Variants in ARHGAP10 observed in about 807,000 individuals in gnomAD.
ARHGAP10 encodes the protein Rho GTPase activating protein 10, also known as rho GTPase-activating protein 10.
A neutral mutation model predicts 108.6 loss-of-function variants in ARHGAP10; 87 were observed. That is an observed-to-expected ratio of 0.80 (90% CI 0.67 to 0.96). ARHGAP10 has a LOEUF of 0.96. Among genes scored for constraint, ARHGAP10 ranks in the 40% least tolerant of loss-of-function variants. The pLI is 0.00. For synonymous variants in ARHGAP10, 347 were observed against 341.1 expected (o/e 1.02, Z -0.19); for missense variants, 939 against 954.5 (o/e 0.98, Z 0.21).
chr4:147,903,393 C>T (rs912691102), intron 10 of ARHGAP10, among the ~76,000 whole-genome samples: 1 of 152,164 alleles, frequency 6.6e-6, no homozygotes, highest in Non-Finnish European at 1.5e-5. Flanking sequence ...ACATGCATAG[C>T]ATTCCCCATT....
chr4:147,998,915 G>A (rs927807012), intron 18 of ARHGAP10, among the ~76,000 whole-genome samples: 5 of 152,040 alleles, frequency 3.3e-5, no homozygotes, highest in African/African-American at 1.2e-4. Flanking sequence ...ATTAACTATT[G>A]CCCTGGAAGA....
intron 13 of ARHGAP10, among the ~76,000 whole-genome samples, chr4:147,933,845 C>G (rs1279109113): frequency 6.6e-6 from 1 of 152,140 alleles, no homozygotes; most frequent in Admixed American, 6.5e-5. Flanking sequence ...GCTGGAGAGC[C>G]AGGCTCTTTG....
At position 148,046,949 on chromosome 4, in the gene ARHGAP10, C is replaced by G; in HGVS notation, c.1925C>G (p.Ser642Cys). The part of the protein sequence containing the change: ...DTPTSSLDSL[S>C]SPSPVTTAVP... ...CCTACCAGCAGTCTGGACTCACTTTCCTCCCCGTCTCCCGTGACTACAGCT... is the reference window on the plus strand; with the variant it reads ...CCTACCAGCAGTCTGGACTCACTTTGCTCCCCGTCTCCCGTGACTACAGCT... The change falls in exon 20 of 23, where the codon TCC becomes TGC. Residue 642 changes from serine to cysteine, a missense_variant. By Grantham distance (112) the Ser-to-Cys change is moderately radical. Transcript: ENST00000336498. 2 of 1,614,186 alleles carry G rather than the reference C, an allele frequency of 1.2e-6. No individual in the cohort carries two copies. Among genetic ancestry groups the G allele is most frequent in the South Asian group, 2.2e-5 (2 of 91,084 alleles).
chr4:147,773,419 C>G (rs1255762867), intron 1 of ARHGAP10, among the ~76,000 whole-genome samples: 9 of 152,164 alleles, frequency 5.9e-5, no homozygotes, highest in Admixed American at 5.9e-4. Context: ...GAATGTTACC[C>G]TCCATAGCAA....
chr4:147,926,248 G>A (rs1737456666), intron 13 of ARHGAP10, among the ~76,000 whole-genome samples: 1 of 152,164 alleles, frequency 6.6e-6, no homozygotes, highest in African/African-American at 2.4e-5. Flanking sequence ...AATAGAATTG[G>A]TGGGAATAGA....
intron 10 of ARHGAP10, among the ~76,000 whole-genome samples, chr4:147,895,685 C>CAA (rs111297537): frequency 7.8e-5 from 10 of 128,876 alleles, no homozygotes; most frequent in South Asian, 5.1e-4. Context: ...GACCCTGTCT[C>CAA]AAAAAAAAAA....
chr4:148,032,454 T>C (rs1728194615), intron 19 of ARHGAP10, among the ~76,000 whole-genome samples: 1 of 150,872 alleles, frequency 6.6e-6, no homozygotes, highest in Non-Finnish European at 1.5e-5. Flanking sequence ...GATCAGTTAT[T>C]AGCAAGTCTG....
intron 13 of ARHGAP10, among the ~76,000 whole-genome samples, chr4:147,919,221 CAAAT>C (rs1737124347): frequency 6.6e-6 from 1 of 152,240 alleles, no homozygotes; most frequent in East Asian, 1.9e-4. Flanking sequence ...TCTTAAATAA[CAAAT>C]AATAAATATA....
chr4:147,837,650 T>TTTTTTTTTG, intron 3 of ARHGAP10, among the ~76,000 whole-genome samples: 1 of 112,084 alleles, frequency 8.9e-6, no homozygotes, highest in Non-Finnish European at 1.8e-5. Context: ...ACTGTTTTTT[T>TTTTTTTTTG]TTTTTTTTTT....
intron 19 of ARHGAP10, among the ~76,000 whole-genome samples, chr4:148,042,558 C>G (rs187249295): frequency 2.0e-5 from 3 of 152,286 alleles, no homozygotes; most frequent in Non-Finnish European, 2.9e-5. Flanking sequence ...AATTTCTTCC[C>G]TTTCCTGTTG....
intron 1 of ARHGAP10, among the ~76,000 whole-genome samples, chr4:147,757,531 C>T (rs1486967663): frequency 6.6e-6 from 1 of 152,166 alleles, no homozygotes; most frequent in East Asian, 1.9e-4. Flanking sequence ...CTTGGTGACC[C>T]AGCTGGTCCT....
intron 12 of ARHGAP10, among the ~76,000 whole-genome samples, chr4:147,910,846 G>A (rs1225527912): frequency 1.3e-5 from 2 of 152,166 alleles, no homozygotes; most frequent in Non-Finnish European, 2.9e-5. Flanking sequence ...TTGAGCCAGT[G>A]TTTGAATAAA....
intron 3 of ARHGAP10, among the ~76,000 whole-genome samples, chr4:147,823,401 G>A (rs1384234558): frequency 1.3e-5 from 2 of 152,096 alleles, no homozygotes; most frequent in African/African-American, 4.8e-5. Context: ...GAGAGAACTT[G>A]GGCCTTGGAG....
intron 3 of ARHGAP10, among the ~76,000 whole-genome samples, chr4:147,833,930 A>G (rs1733056821): frequency 6.6e-6 from 1 of 152,218 alleles, no homozygotes; most frequent in Non-Finnish European, 1.5e-5. Context: ...GAGGAGTGAC[A>G]TTGACTATCA....
rs556322229 is a variant in ARHGAP10, at chr4:147,935,917, T to C, written c.1229-3908T>C. ...CTCTCAGTATGCATTAGCAATTACTTCTCTCAGGTTGATGAATTTGAACTT... is the reference window on the plus strand; with the variant it reads ...CTCTCAGTATGCATTAGCAATTACTCCTCTCAGGTTGATGAATTTGAACTT... On this transcript the variant is annotated intron_variant, in intron 13 of 22. Coordinates refer to ENST00000336498, the MANE Select transcript of ARHGAP10 (RefSeq NM_024605.4). 9.8e-5 allele frequency among the ~76,000 whole-genome samples: 15 copies of C among 152,302 alleles called. No individual in the cohort carries two copies. In the South Asian group the frequency reaches 2.5e-3, roughly 25 times the overall value.
chr4:147,846,904 G>C (rs1169568675), intron 3 of ARHGAP10, among the ~76,000 whole-genome samples: 1 of 152,200 alleles, frequency 6.6e-6, no homozygotes, highest in African/African-American at 2.4e-5. Context: ...TTGTGGAAGA[G>C]AGTTGGGGCT....
intron 18 of ARHGAP10, among the ~76,000 whole-genome samples, chr4:147,980,581 AT>A (rs1180882409): frequency 6.6e-6 from 1 of 152,002 alleles, no homozygotes; most frequent in East Asian, 1.9e-4. Context: ...TCCCTCCTCT[AT>A]TTTTTGGAAT....
At chr4:147,987,725 A>G (rs1329508916) in intron 18 of ARHGAP10, among the ~76,000 whole-genome samples, 1 of 152,242 alleles carries the variant, frequency 6.6e-6, no homozygotes, top group Non-Finnish European at 1.5e-5. Context: ...TTGGGGCTGA[A>G]GACATCTCTG....
At chr4:147,860,266 C>T (rs1734260236) in intron 5 of ARHGAP10, among the ~76,000 whole-genome samples, 1 of 152,078 alleles carries the variant, frequency 6.6e-6, no homozygotes, top group East Asian at 1.9e-4. Context: ...CACGGTGAAA[C>T]CCCGTCTCTA....
Sources: gnomAD v4.1 joint callset for allele counts (sites outside exome capture counted in the v4.1 genomes callset) on GRCh38, gnomAD v4.1.1 for gene constraint, MANE v1.5 for transcripts, NCBI Gene and HGNC (gene_info 2026-07-23, HGNC 2026-07-21) for gene names.